GHR: variants seen among roughly 807,000 people sequenced by gnomAD.
GHR encodes the protein GH receptor.
GHR carries 35 observed loss-of-function variants against 67.1 expected under a neutral mutation model. The ratio of observed to expected loss-of-function variants is 0.52; its 90% CI spans 0.40 to 0.69. The LOEUF is 0.69. Ranked by LOEUF, GHR falls within the 30% of genes least tolerant of loss-of-function variation. The pLI is 0.00. For synonymous variants in GHR, 272 were observed against 269.1 expected (o/e 1.01, Z -0.10); for missense variants, 792 against 764.6 (o/e 1.04, Z -0.42).
intron 2 of GHR, among the ~76,000 whole-genome samples, chr5:42,577,294 G>T (rs1750802912): frequency 1.3e-5 from 2 of 152,164 alleles, no homozygotes; most frequent in Non-Finnish European, 2.9e-5. Flanking sequence ...GATTCCTAAG[G>T]TTCCTTTCTT....
intron 1 of GHR, among the ~76,000 whole-genome samples, chr5:42,493,429 A>G (rs1026709597): frequency 5.3e-5 from 8 of 152,206 alleles, no homozygotes; most frequent in Admixed American, 5.2e-4. Context: ...AAGGAAACCT[A>G]TGCCTAAAAA....
chr5:42,719,174 T>G lies in GHR; in HGVS notation c.1667T>G (p.Ile556Arg). The G allele has an allele frequency of 6.2e-7, 1 of 1,614,104 alleles. No individual in the cohort carries two copies. The highest frequency in any genetic ancestry group is 8.5e-7 in the Non-Finnish European group (1 of 1,180,004). Residue 556 changes from isoleucine (I) to arginine (R), a missense_variant, in exon 10 of 10, where the codon ATA becomes AGA. Physicochemically the swap from Ile to Arg is moderately conservative, Grantham distance 97. Transcript: ENST00000230882. The part of the protein sequence containing the change: ...VAPHIKVESH[I>R]QPSLNQEDIY... The stretch of plus-strand genomic sequence containing the variant: ...CCTCACATCAAGGTTGAATCACACA[T>G]ACAGCCAAGCTTAAACCAAGAGGAC...
chr5:42,581,270 T>A (rs1308104761), intron 2 of GHR, among the ~76,000 whole-genome samples: 4 of 152,212 alleles, frequency 2.6e-5, no homozygotes, highest in African/African-American at 9.6e-5. Context: ...GCAGCCTCAC[T>A]GGAACTTGCT....
intron 2 of GHR, among the ~76,000 whole-genome samples, chr5:42,603,322 C>G (rs1288854192): frequency 6.6e-6 from 1 of 152,068 alleles, no homozygotes. Flanking sequence ...TATAATGTGT[C>G]CTGGCGTGGG....
At chr5:42,500,051 T>A (rs936560226) in intron 1 of GHR, among the ~76,000 whole-genome samples, 1 of 152,320 alleles carries the variant, frequency 6.6e-6, no homozygotes, top group Admixed American at 6.5e-5. Flanking sequence ...ACTCAGTTTG[T>A]TAGTGTTGAC....
chr5:42,671,152 A>T (rs1580169577), intron 3 of GHR, among the ~76,000 whole-genome samples: 5 of 152,314 alleles, frequency 3.3e-5, no homozygotes, highest in African/African-American at 1.2e-4. Context: ...TATAAAGAAC[A>T]AAGGCTTAAT....
At chr5:42,539,880 T>A (rs910890230) in intron 1 of GHR, among the ~76,000 whole-genome samples, 1 of 152,192 alleles carries the variant, frequency 6.6e-6, no homozygotes, top group African/African-American at 2.4e-5. Context: ...ATAGTGAGAA[T>A]GCTTCAAAAT....
intron 3 of GHR, among the ~76,000 whole-genome samples, chr5:42,681,891 G>A (rs1481042550): frequency 7.0e-6 from 1 of 143,848 alleles, no homozygotes; most frequent in Non-Finnish European, 1.5e-5. Context: ...AGCCGAGATA[G>A]CGCCACTGCA....
At chr5:42,684,633 G>T (rs1293837911) in intron 3 of GHR, among the ~76,000 whole-genome samples, 1 of 152,112 alleles carries the variant, frequency 6.6e-6, no homozygotes, top group South Asian at 2.1e-4. Context: ...TTCTGAGAGG[G>T]GTTGGTAAAC....
At chr5:42,699,322 G>A (rs1757819114) in intron 5 of GHR, among the ~76,000 whole-genome samples, 1 of 56,668 alleles carries the variant, frequency 1.8e-5, no homozygotes, top group African/African-American at 1.1e-4. Flanking sequence ...ATGGATTAGT[G>A]AGGCAAAGAT....
intron 1 of GHR, among the ~76,000 whole-genome samples, chr5:42,474,875 T>C (rs1381074933): frequency 6.7e-6 from 1 of 150,116 alleles, no homozygotes; most frequent in East Asian, 1.9e-4. Flanking sequence ...TTTTCTTTTT[T>C]TTTTTTTGCC....
intron 8 of GHR, among the ~76,000 whole-genome samples, chr5:42,717,782 A>G (rs1004694995): frequency 2.0e-5 from 3 of 152,034 alleles, no homozygotes; most frequent in South Asian, 4.1e-4. Context: ...GCATTAAGAA[A>G]AAAACAATTG....
intron 3 of GHR, among the ~76,000 whole-genome samples, chr5:42,661,512 T>C (rs1224560374): frequency 6.6e-6 from 1 of 152,134 alleles, no homozygotes; most frequent in African/African-American, 2.4e-5. Context: ...CTAAGCTTCA[T>C]AAGTGAAGGG....
intron 2 of GHR, among the ~76,000 whole-genome samples, chr5:42,597,670 G>A (rs1416510651): frequency 2.6e-5 from 4 of 152,192 alleles, no homozygotes; most frequent in African/African-American, 9.7e-5. Flanking sequence ...CAGTATCTAC[G>A]ATTGACAATC....
intron 2 of GHR, among the ~76,000 whole-genome samples, chr5:42,590,491 G>C (rs750836309): frequency 2.0e-5 from 3 of 152,156 alleles, no homozygotes; most frequent in Non-Finnish European, 2.9e-5. Flanking sequence ...GGCAGCATGA[G>C]AGAGATGGGA....
chr5:42,592,388 G>A (rs1274271401), intron 2 of GHR, among the ~76,000 whole-genome samples: 1 of 152,156 alleles, frequency 6.6e-6, no homozygotes, highest in East Asian at 1.9e-4. Context: ...TTTCCAATAG[G>A]TTAGTTTTTA....
chr5:42,699,307 G>C lies in GHR; in HGVS notation c.440-517G>C, dbSNP rs376887737. The stretch of plus-strand genomic sequence containing the variant: ...GAAAGTACAGCTGACGGAATCTGAC[G>C]GAATATGGATTAGTGAGGCAAAGAT... On this transcript the variant is annotated intron_variant, in intron 5 of 9. Coordinates refer to ENST00000230882, the MANE Select transcript of GHR (RefSeq NM_000163.5). 1.1e-4 allele frequency among the ~76,000 whole-genome samples: 15 copies of C among 136,754 alleles called. No individual in the cohort carries two copies. In the East Asian group the frequency reaches 1.1e-3, roughly 10 times the overall value. 89.7% of individuals were successfully genotyped at this position (136,754 alleles called of 152,430 possible). A position where few individuals can be genotyped will look rare whatever the true frequency, so the allele number is the denominator to read the frequency against.
At chr5:42,536,186 A>G (rs1436021458) in intron 1 of GHR, among the ~76,000 whole-genome samples, 4 of 151,704 alleles carry the variant, frequency 2.6e-5, no homozygotes, top group African/African-American at 7.3e-5. Context: ...TCTGGCTAGG[A>G]CTCCCAGTAC....
chr5:42,534,318 A>G (rs1415519503), intron 1 of GHR, among the ~76,000 whole-genome samples: 1 of 140,514 alleles, frequency 7.1e-6, no homozygotes, highest in Non-Finnish European at 1.5e-5. Flanking sequence ...ATGTATGTAT[A>G]TATGTACATG....
Sources: gnomAD v4.1 joint callset for allele counts (sites outside exome capture counted in the v4.1 genomes callset) on GRCh38, gnomAD v4.1.1 for gene constraint, MANE v1.5 for transcripts, NCBI Gene and HGNC (gene_info 2026-07-23, HGNC 2026-07-21) for gene names.